The following ABHD1 variants were observed in gnomAD, a reference collection of about 807,000 sequenced individuals.
ABHD1 encodes protein ABHD1.
In ABHD1, 47 loss-of-function variants were observed where a neutral mutation model predicts 41.4. The ratio of observed to expected loss-of-function variants is 1.13; its 90% CI spans 0.90 to 1.45. The LOEUF is 1.45. Among genes scored for constraint, ABHD1 ranks in the 40% most tolerant of loss-of-function variants. ABHD1 has a pLI of 0.00. For synonymous variants in ABHD1, 205 were observed against 203.7 expected (o/e 1.01, Z -0.05); for missense variants, 550 against 503.4 (o/e 1.09, Z -0.89).
At chr2:27,129,421 C>G in intron 4 of ABHD1, 60 bp downstream of exon 4, 2 of 1,612,832 alleles carry the variant, frequency 1.2e-6, no homozygotes, top group Middle Eastern at 1.7e-4. Flanking sequence ...ATCCTTGGCC[C>G]TGGGGCTCAC....
chr2:27,128,055 C>T (rs1468636559), intron 1 of ABHD1, among the ~76,000 whole-genome samples: 1 of 152,070 alleles, frequency 6.6e-6, no homozygotes, highest in Admixed American at 6.6e-5. Flanking sequence ...CTCAAGTGAT[C>T]CTCCCACCTC....
intron 1 of ABHD1, chr2:27,125,063 C>A (rs4665946): frequency 0.33 from 50,373 of 151,786 alleles, 9,015 homozygotes; most frequent in Admixed American, 0.5. Context: ...ATCACTTGAA[C>A]CTGGGAGGCG....
chr2:27,128,930 TTCCTCCAAAACCAGTGACA>T lies in ABHD1; in HGVS notation c.276-5_289del. On this transcript the variant is annotated splice_acceptor_variant and splice_polypyrimidine_tract_variant and coding_sequence_variant and intron_variant, in exon 3 of 9. Transcript: ENST00000316470. LOFTEE classifies it high-confidence loss of function. ...TCTTAATAGTATCTTTGTGTGCCTC[TTCCTCCAAAACCAGTGACA>T]TCCTCCAAACACCAGATGGAGGCCA... 2 of 1,609,818 alleles carry T rather than the reference TTCCTCCAAAACCAGTGACA, an allele frequency of 1.2e-6. No individual in the cohort carries two copies. The highest frequency in any genetic ancestry group is 1.7e-6 in the Non-Finnish European group (2 of 1,177,824).
chr2:27,125,965 G>A (rs1424600115), intron 1 of ABHD1: 1 of 151,704 alleles, frequency 6.6e-6, no homozygotes, highest in Non-Finnish European at 1.5e-5. Flanking sequence ...ATACCCGACA[G>A]TGACTAGACA....
In ABHD1 at chr2:27,130,421, G is replaced by C. The variant is rs748331898; in HGVS notation, c.1006+5G>C. 1 of 1,614,174 alleles carries C rather than the reference G, an allele frequency of 6.2e-7. No homozygotes were observed. The highest frequency in any genetic ancestry group is 1.1e-5 in the South Asian group (1 of 91,084). On this transcript the variant is annotated splice_donor_5th_base_variant and intron_variant, in intron 8 of 8. Transcript: ENST00000316470. The stretch of plus-strand genomic sequence containing the variant: ...ACCCCTTCTCCCCCGTCTGTGGTGA[G>C]TACTCTGATTCAGGACACTTTGGCC...
At chr2:27,124,150 G>T in intron 1 of ABHD1, 88 bp downstream of exon 1, 1 of 1,258,330 alleles carries the variant, frequency 7.9e-7, no homozygotes, top group Non-Finnish European at 1.2e-6. Flanking sequence ...TGGGAACTGG[G>T]ATGGTTGGGC....
chr2:27,126,521 T>G (rs1483174327), intron 1 of ABHD1: 2 of 152,278 alleles, frequency 1.3e-5, no homozygotes, highest in East Asian at 3.8e-4. Context: ...ACTGCGGATA[T>G]GCAGTTTCTA....
Position 27,130,533 on chromosome 2 carries a change from C to T in ABHD1, c.1007C>T (p.Ala336Val), listed in dbSNP as rs757229791. The T allele has an allele frequency of 3.7e-6, 6 of 1,613,966 alleles. No individual in the cohort carries two copies. The South Asian group carries it at 6.6e-5, about 18-fold the overall frequency. The change falls in exon 9 of 9, where the codon GCC becomes GTC. Residue 336 changes from alanine (A) to valine (V), a missense_variant and splice_region_variant. Coordinates refer to ENST00000316470, the MANE Select transcript of ABHD1 (RefSeq NM_032604.4). ...AADDPFSPVC[A>V]LPIQAAQHSP... The stretch of plus-strand genomic sequence containing the variant: ...TTTCTAACCTCTGACCCTCTCCTAG[C>T]CCTTCCCATACAGGCCGCCCAACAC...
At chr2:27,128,121 TC>T (rs1023434968) in intron 1 of ABHD1, among the ~76,000 whole-genome samples, 1 of 152,140 alleles carries the variant, frequency 6.6e-6, no homozygotes, top group Non-Finnish European at 1.5e-5. Flanking sequence ...GCTGTTTACA[TC>T]ACCTGCTCTC....
At chr2:27,129,969 G>A (rs1369832806) in intron 6 of ABHD1, 42 bp downstream of exon 6, 1 of 1,612,606 alleles carries the variant, frequency 6.2e-7, no homozygotes, top group African/African-American at 1.3e-5. Context: ...GACAGAGTAG[G>A]ATGGCAGACA....
rs1672219575 is a variant in ABHD1, at chr2:27,130,804, C to G, written c.*60C>G. 6.4e-6 allele frequency: 10 copies of G among 1,559,826 alleles called. No individual in the cohort carries two copies. The East Asian group carries it at 6.8e-5, about 11-fold the overall frequency. On this transcript the variant is annotated 3_prime_UTR_variant, in exon 9 of 9. Coordinates refer to ENST00000316470, the MANE Select transcript of ABHD1 (RefSeq NM_032604.4). ...CCTTGTTTATTAAATATCAACTTTT[C>G]CTGCCTAATGGGCTGAGGTTCATTT... is the stretch of plus-strand genomic sequence containing the variant.
rs866238426 is a variant in ABHD1, at chr2:27,127,426, C to A, written c.115-1015C>A. 3.4e-5 allele frequency among the ~76,000 whole-genome samples: 5 copies of A among 145,860 alleles called. No individual in the cohort carries two copies. In the South Asian group the frequency reaches 8.8e-4, roughly 26 times the overall value. On this transcript the variant is annotated intron_variant, in intron 1 of 8. Transcript: ENST00000316470. ...AAAATTAGCCAGGCGTGGTGGCGGG[C>A]GCCTGTAGTCCCAGCTACTTGGGAG...
In ABHD1 at chr2:27,129,921, T is replaced by C; in HGVS notation, c.785T>C (p.Val262Ala). Residue 262 changes from valine (V) to alanine (A), a missense_variant, in exon 6 of 9, where the codon GTG becomes GCG. Coordinates refer to ENST00000316470, the MANE Select transcript of ABHD1 (RefSeq NM_032604.4). ...QPLTAGLCQL[V>A]ERNRKVIEKV... The stretch of plus-strand genomic sequence containing the variant: ...CTCACTGCTGGGCTCTGCCAACTTG[T>C]GGAACGGTAGGGTCGTGGCAAGTGG... The C allele has an allele frequency of 2.5e-6, 4 of 1,613,972 alleles. No homozygotes were observed. The highest frequency in any genetic ancestry group is 3.4e-6 in the Non-Finnish European group (4 of 1,179,996).
At chr2:27,127,846 G>C (rs12714095) in intron 1 of ABHD1, among the ~76,000 whole-genome samples, 149,759 of 152,138 alleles carry the variant, frequency 0.98, 73,744 homozygotes, top group East Asian at 1. Context: ...AGGCATGAGC[G>C]ACTGCGCCCG....
intron 5 of ABHD1, 60 bp from the exon 6 acceptor site, chr2:27,129,692 CCT>C: frequency 6.2e-7 from 1 of 1,609,952 alleles, no homozygotes; most frequent in South Asian, 1.1e-5. Context: ...ATGTCCCCTT[CCT>C]CTGTCCCAAC....
Position 27,130,583 on chromosome 2 carries a change from A to C in ABHD1, c.1057A>C (p.Thr353Pro), listed in dbSNP as rs111733951. The C allele has an allele frequency of 2.5e-6, 4 of 1,614,106 alleles. No homozygotes were observed. Among genetic ancestry groups the C allele is most frequent in the African/African-American group, 1.3e-5 (1 of 75,014 alleles). The change falls in exon 9 of 9, where the codon ACA becomes CCA. Residue 353 changes from threonine to proline, a missense_variant. Physicochemically the swap from Thr to Pro is conservative, Grantham distance 38 (BLOSUM62 -1). Coordinates refer to ENST00000316470, the MANE Select transcript of ABHD1 (RefSeq NM_032604.4). ...CTCCCCCTACGTTGCGCTGCTCATC[A>C]CAGCCCGGGGTGGCCACATCGGCTT... Reference protein sequence around the residue: ...QHSPYVALLITARGGHIGFLE... With the variant: ...QHSPYVALLIPARGGHIGFLE...
Position 27,129,350 on chromosome 2 carries a change from G to A in ABHD1, c.493G>A (p.Glu165Lys), listed in dbSNP as rs759831693. 2 of 1,614,176 alleles carry A rather than the reference G, an allele frequency of 1.2e-6. No individual in the cohort carries two copies. Among genetic ancestry groups the A allele is most frequent in the Non-Finnish European group, 8.5e-7 (1 of 1,180,040 alleles). The change falls in exon 4 of 9, where the codon GAG becomes AAG. Residue 165 changes from glutamate to lysine, a missense_variant. By Grantham distance (56) the Glu-to-Lys change is moderately conservative. Transcript: ENST00000316470. ...GTTTAACAACCGGGGCTGCCGTGGG[G>A]AGGAACTGCGGGTGAGTAGCTGCCT... ...VVFNNRGCRGEELRTHRAFCA... is the reference protein window; with the variant it reads ...VVFNNRGCRGKELRTHRAFCA...
chr2:27,124,125 G>T, intron 1 of ABHD1, 63 bp downstream of exon 1: 1 of 1,475,464 alleles, frequency 6.8e-7, no homozygotes, highest in Non-Finnish European at 9.5e-7. Flanking sequence ...TCCAGACACG[G>T]GCTTGGGCCC....
At chr2:27,128,411 G>A (rs1866561) in intron 1 of ABHD1, 30 bp from the exon 2 acceptor site, 1,027,699 of 1,612,484 alleles carry the variant, frequency 0.64, 330,126 homozygotes, top group East Asian at 0.7. Context: ...AAAAGTCAGG[G>A]AAGTGGGGCA....
Sources: allele counts gnomAD v4.1 joint callset (sites outside exome capture counted in the v4.1 genomes callset), GRCh38; gene constraint gnomAD v4.1.1; transcripts MANE v1.5; gene names NCBI Gene and HGNC (gene_info 2026-07-23, HGNC 2026-07-21).